SPRYD4: variants seen among roughly 807,000 people sequenced by gnomAD.
SPRYD4 encodes SPRY domain-containing protein 4.
A neutral mutation model predicts 16.6 loss-of-function variants in SPRYD4; 12 were observed. The observed-to-expected ratio is 0.72, with a 90% CI of 0.46 to 1.17. The LOEUF is 1.17. Among genes scored for constraint, SPRYD4 ranks in the 50% most tolerant of loss-of-function variants. The pLI, the probability that SPRYD4 is intolerant of heterozygous loss-of-function variation, is 0.00. For missense variants in SPRYD4, 260 were observed against 260.2 expected, an observed-to-expected ratio of 1.00 and a Z score of 0.00; for synonymous variants, 98 against 105.4, an observed-to-expected ratio of 0.93 and a Z score of 0.43.
chr12:56,479,089 C>T lies in SPRYD4; in HGVS notation c.*9512C>T, dbSNP rs766672709. On this transcript the variant is annotated 3_prime_UTR_variant, in exon 2 of 2. Transcript: ENST00000338146. ...GAGCTCTTTGACATCCTCAAAGATG[C>T]GATCCACATGGCCCGTGAACTCCTC... is the stretch of plus-strand genomic sequence containing the variant. The T allele has an allele frequency of 1.5e-5, 24 of 1,613,670 alleles. No individual in the cohort carries two copies. Among genetic ancestry groups the T allele is most frequent in the African/African-American group, 1.1e-4 (8 of 74,826 alleles).
In SPRYD4 at chr12:56,471,276, T is replaced by C; in HGVS notation, c.*1699T>C. 1.8e-6 allele frequency: 1 copy of C among 543,844 alleles called. No homozygotes were observed. The highest frequency in any genetic ancestry group is 3.1e-5 in the South Asian group (1 of 32,714). 33.7% of individuals were successfully genotyped at this position (543,844 alleles called of 1,614,324 possible). A position where few individuals can be genotyped will look rare whatever the true frequency, so the allele number is the denominator to read the frequency against. On this transcript the variant is annotated 3_prime_UTR_variant, in exon 2 of 2. Coordinates refer to ENST00000338146, the MANE Select transcript of SPRYD4 (RefSeq NM_207344.4). ...GCCCAGTCTCTCTGGATAGCTGTAC[T>C]GCAGGTGTCCTCTGAGGCCCTTCTC...
At position 56,473,701 on chromosome 12, in the gene SPRYD4, A is replaced by G; in HGVS notation, c.*4124A>G. On this transcript the variant is annotated 3_prime_UTR_variant, in exon 2 of 2. Transcript: ENST00000338146. ...AGTTTACAAATGACTGCATGACCAC[A>G]ATCCACCTCAACCTTTTGGCTTGTT... The G allele has an allele frequency of 7.3e-7, 1 of 1,367,334 alleles. No individual in the cohort carries two copies. Among genetic ancestry groups the G allele is most frequent in the Non-Finnish European group, 9.8e-7 (1 of 1,023,612 alleles). 84.7% of individuals were successfully genotyped at this position (1,367,334 alleles called of 1,614,324 possible).
Position 56,474,642 on chromosome 12 carries a change from T to C in SPRYD4, c.*5065T>C. The C allele has an allele frequency of 6.2e-7, 1 of 1,614,172 alleles. No individual in the cohort carries two copies. The highest frequency in any genetic ancestry group is 1.3e-5 in the African/African-American group (1 of 75,070). On this transcript the variant is annotated 3_prime_UTR_variant, in exon 2 of 2. Transcript: ENST00000338146. Reference sequence around the variant, plus strand: ...TCAGCACTCAGCACACTCTCGCCTGTGATGGGGCAGATCCCACCGTTGGCG... The same window carrying C: ...TCAGCACTCAGCACACTCTCGCCTGCGATGGGGCAGATCCCACCGTTGGCG...
chr12:56,473,153 T>A lies in SPRYD4; in HGVS notation c.*3576T>A. 7.2e-7 allele frequency: 1 copy of A among 1,379,340 alleles called. No homozygotes were observed. 85.4% of individuals were successfully genotyped at this position (1,379,340 alleles called of 1,614,324 possible). A position where few individuals can be genotyped will look rare whatever the true frequency, so the allele number is the denominator to read the frequency against. On this transcript the variant is annotated 3_prime_UTR_variant, in exon 2 of 2. Coordinates refer to ENST00000338146, the MANE Select transcript of SPRYD4 (RefSeq NM_207344.4). ...ATCCGCCCGCCTTGGCCTCTCAAAGTGCAGGGATTACAGGCGTGAGCCACC... is the reference window on the plus strand; with the variant it reads ...ATCCGCCCGCCTTGGCCTCTCAAAGAGCAGGGATTACAGGCGTGAGCCACC...
Position 56,471,994 on chromosome 12 carries a change from G to A in SPRYD4, c.*2417G>A. 7.8e-7 allele frequency: 1 copy of A among 1,284,516 alleles called. No individual in the cohort carries two copies. The highest frequency in any genetic ancestry group is 1.3e-5 in the South Asian group (1 of 79,286). The allele number at this position is 1,284,516 out of a possible 1,614,324, so 79.6% of individuals were successfully genotyped here. ...AGTCATAGTCTAGCTGCAAACCGAAGGGTGTCTAGATAAAACTAGTTGCTG... is the reference window on the plus strand; with the variant it reads ...AGTCATAGTCTAGCTGCAAACCGAAAGGTGTCTAGATAAAACTAGTTGCTG... On this transcript the variant is annotated 3_prime_UTR_variant, in exon 2 of 2. Coordinates refer to ENST00000338146, the MANE Select transcript of SPRYD4 (RefSeq NM_207344.4).
Position 56,473,662 on chromosome 12 carries a change from C to A in SPRYD4, c.*4085C>A. 1 of 1,535,808 alleles carries A rather than the reference C, an allele frequency of 6.5e-7. No individual in the cohort carries two copies. ...CAAATCAGAAAATAAACAAGTTAGGCTGTACTCTTAACAAGTTTACAAATG... is the reference window on the plus strand; with the variant it reads ...CAAATCAGAAAATAAACAAGTTAGGATGTACTCTTAACAAGTTTACAAATG... On this transcript the variant is annotated 3_prime_UTR_variant, in exon 2 of 2. Coordinates refer to ENST00000338146, the MANE Select transcript of SPRYD4 (RefSeq NM_207344.4).
Position 56,472,396 on chromosome 12 carries a change from C to G in SPRYD4, c.*2819C>G. 1 of 611,390 alleles carries G rather than the reference C, an allele frequency of 1.6e-6. No homozygotes were observed. The highest frequency in any genetic ancestry group is 2.9e-6 in the Non-Finnish European group (1 of 347,818). 37.9% of individuals were successfully genotyped at this position (611,390 alleles called of 1,614,324 possible). A position where few individuals can be genotyped will look rare whatever the true frequency, so the allele number is the denominator to read the frequency against. The stretch of plus-strand genomic sequence containing the variant: ...TTAGAGAGATGGGAATGTGATCCTT[C>G]CAGAAATATCACTCACTGCCTACCT... On this transcript the variant is annotated 3_prime_UTR_variant, in exon 2 of 2. Coordinates refer to ENST00000338146, the MANE Select transcript of SPRYD4 (RefSeq NM_207344.4).
In SPRYD4 at chr12:56,469,337, G is replaced by C; in HGVS notation, c.384G>C (p.Gln128His). The C allele has an allele frequency of 6.2e-7, 1 of 1,614,192 alleles. No individual in the cohort carries two copies. The highest frequency in any genetic ancestry group is 8.5e-7 in the Non-Finnish European group (1 of 1,180,024). ...GTTCCTGGGTGTTCACCTATGCCCA[G>C]CGCAAGTGGTACACCATGTTGGCCA... is the stretch of plus-strand genomic sequence containing the variant. ...DDRSWVFTYA[Q>H]RKWYTMLANE... is the part of the protein sequence containing the mutation. The change falls in exon 2 of 2, where the codon CAG becomes CAC. Residue 128 changes from glutamine to histidine, a missense_variant. Gln to His is a conservative substitution (Grantham distance 24). Coordinates refer to ENST00000338146, the MANE Select transcript of SPRYD4 (RefSeq NM_207344.4).
Position 56,469,479 on chromosome 12 carries a change from C to G in SPRYD4, c.526C>G (p.Leu176Val). The stretch of plus-strand genomic sequence containing the variant: ...GAGCCAGGTCTCTGTGGTTCACACG[C>G]TACAGACAGATTTCCGGGGTCCAGT... The part of the protein sequence containing the change: ...DVSQVSVVHT[L>V]QTDFRGPVVP... The change falls in exon 2 of 2, where the codon CTA (leucine) becomes GTA (valine). Residue 176 changes from leucine to valine, a missense_variant. By Grantham distance (32) the Leu-to-Val change is conservative. Transcript: ENST00000338146. 1 of 1,614,118 alleles carries G rather than the reference C, an allele frequency of 6.2e-7. No individual in the cohort carries two copies. The highest frequency in any genetic ancestry group is 8.5e-7 in the Non-Finnish European group (1 of 1,180,026).
Position 56,475,059 on chromosome 12 carries a change from A to AT in SPRYD4, c.*5483dup. The AT allele has an allele frequency of 2.5e-6, 4 of 1,614,196 alleles. No individual in the cohort carries two copies. Among genetic ancestry groups the AT allele is most frequent in the Non-Finnish European group, 3.4e-6 (4 of 1,180,046 alleles). ...TTCTGGTTACCTTCTTTTCCTTGAG[A>AT]TAATAGCCGATGGCATAATTCCGAT... On this transcript the variant is annotated 3_prime_UTR_variant, in exon 2 of 2. Transcript: ENST00000338146.
At position 56,479,451 on chromosome 12, in the gene SPRYD4, A is replaced by T. The variant is rs968977725; in HGVS notation, c.*9874A>T. 2 of 401,208 alleles carry T rather than the reference A, an allele frequency of 5.0e-6. No individual in the cohort carries two copies. The highest frequency in any genetic ancestry group is 8.7e-6 in the Non-Finnish European group (2 of 230,128). The allele number at this position is 401,208 out of a possible 1,614,324, so 24.9% of individuals were successfully genotyped here. A position where few individuals can be genotyped will look rare whatever the true frequency, so the allele number is the denominator to read the frequency against. On this transcript the variant is annotated 3_prime_UTR_variant, in exon 2 of 2. Coordinates refer to ENST00000338146, the MANE Select transcript of SPRYD4 (RefSeq NM_207344.4). ...TAATATGTATGTATGTTACCTTGAT[A>T]TTTAAAAAATCCTAAATCATAAAAG...
At position 56,471,098 on chromosome 12, in the gene SPRYD4, C is replaced by T; in HGVS notation, c.*1521C>T. ...CATGTATATAGCCATTCCCACTTCCCATATTCTGTGGATATGTACATGTGC... is the reference window on the plus strand; with the variant it reads ...CATGTATATAGCCATTCCCACTTCCTATATTCTGTGGATATGTACATGTGC... On this transcript the variant is annotated 3_prime_UTR_variant, in exon 2 of 2. Coordinates refer to ENST00000338146, the MANE Select transcript of SPRYD4 (RefSeq NM_207344.4). 1 of 363,114 alleles carries T rather than the reference C, an allele frequency of 2.8e-6. No individual in the cohort carries two copies. Among genetic ancestry groups the T allele is most frequent in the South Asian group, 1.4e-4 (1 of 7,032 alleles). The allele number at this position is 363,114 out of a possible 1,614,324, so 22.5% of individuals were successfully genotyped here. A position where few individuals can be genotyped will look rare whatever the true frequency, so the allele number is the denominator to read the frequency against.
At position 56,472,334 on chromosome 12, in the gene SPRYD4, C is replaced by CT; in HGVS notation, c.*2763dup. ...GCCAGATTTGTTGGCTCTGAATAAT[C>CT]TTTTTTCCATATCCAGATGAGACTG... On this transcript the variant is annotated 3_prime_UTR_variant, in exon 2 of 2. Coordinates refer to ENST00000338146, the MANE Select transcript of SPRYD4 (RefSeq NM_207344.4). The CT allele has an allele frequency of 2.8e-6, 2 of 714,690 alleles. No individual in the cohort carries two copies. Among genetic ancestry groups the CT allele is most frequent in the Non-Finnish European group, 4.8e-6 (2 of 417,244 alleles). 44.3% of individuals were successfully genotyped at this position (714,690 alleles called of 1,614,324 possible).
rs1022695280 is a variant in SPRYD4 at position 56,476,206 on chromosome 12, A to G, written c.*6629A>G. 7 of 397,840 alleles carry G rather than the reference A, an allele frequency of 1.8e-5. No individual in the cohort carries two copies. The highest frequency in any genetic ancestry group is 1.3e-4 in the African/African-American group (6 of 47,126). The allele number at this position is 397,840 out of a possible 1,614,324, so 24.6% of individuals were successfully genotyped here. A position where few individuals can be genotyped will look rare whatever the true frequency, so the allele number is the denominator to read the frequency against. On this transcript the variant is annotated 3_prime_UTR_variant, in exon 2 of 2. Transcript: ENST00000338146. ...TCTTGCTTTGTCACCCTTGTCACCC[A>G]GGCTGGAGTGCAGTGGCACGATCAT... is the stretch of plus-strand genomic sequence containing the variant.
chr12:56,474,472 C>T lies in SPRYD4; in HGVS notation c.*4895C>T, dbSNP rs1282941096. On this transcript the variant is annotated 3_prime_UTR_variant, in exon 2 of 2. Transcript: ENST00000338146. ...GGCAGGAACAAGCTTCCACCTCTAT[C>T]TTGAGAGAGTCAGTGTTCTCTCTTC... The T allele has an allele frequency of 6.3e-7, 1 of 1,577,600 alleles. No homozygotes were observed. The highest frequency in any genetic ancestry group is 8.6e-7 in the Non-Finnish European group (1 of 1,158,426).
Position 56,468,659 on chromosome 12 carries a change from C to G in SPRYD4, c.68C>G (p.Ser23Cys), listed in dbSNP as rs1475344941. ...GGAGCCAAACGATTGGGAGTTGCCT[C>G]CACAGAGGCCCAGAGAGGTAGGATT... ...RWGAKRLGVA[S>C]TEAQRGVSFK... The change falls in exon 1 of 2, where the codon TCC (serine) becomes TGC (cysteine). Residue 23 changes from serine to cysteine, a missense_variant. Physicochemically the swap from Ser to Cys is moderately radical, Grantham distance 112 (BLOSUM62 -1). Transcript: ENST00000338146. The G allele has an allele frequency of 1.2e-6, 2 of 1,614,104 alleles. No individual in the cohort carries two copies. Among genetic ancestry groups the G allele is most frequent in the South Asian group, 2.2e-5 (2 of 91,082 alleles).
Position 56,469,671 on chromosome 12 carries a change from C to G in SPRYD4, c.*94C>G. 1 of 1,241,300 alleles carries G rather than the reference C, an allele frequency of 8.1e-7. No individual in the cohort carries two copies. The highest frequency in any genetic ancestry group is 1.1e-6 in the Non-Finnish European group (1 of 910,264). 76.9% of individuals were successfully genotyped at this position (1,241,300 alleles called of 1,614,324 possible). ...TTACTTTGCCTCAAGCAACCTCTAG[C>G]TCCCACAATTCAGTGTTGGGTCCTC... is the stretch of plus-strand genomic sequence containing the variant. On this transcript the variant is annotated 3_prime_UTR_variant, in exon 2 of 2. Transcript: ENST00000338146.
chr12:56,473,051 G>A lies in SPRYD4; in HGVS notation c.*3474G>A. 1.6e-6 allele frequency: 1 copy of A among 638,046 alleles called. No individual in the cohort carries two copies. The highest frequency in any genetic ancestry group is 3.1e-5 in the Admixed American group (1 of 32,754). 39.5% of individuals were successfully genotyped at this position (638,046 alleles called of 1,614,324 possible). ...ACCACAGGCGCGTGCCACCACGTCT[G>A]GCTAATTTTTTGTATTTTCAATAGA... On this transcript the variant is annotated 3_prime_UTR_variant, in exon 2 of 2. Coordinates refer to ENST00000338146, the MANE Select transcript of SPRYD4 (RefSeq NM_207344.4).
Position 56,476,134 on chromosome 12 carries a change from C to T in SPRYD4, c.*6557C>T, listed in dbSNP as rs1018638811. On this transcript the variant is annotated 3_prime_UTR_variant, in exon 2 of 2. Transcript: ENST00000338146. ...CCTTTTTTTATCCTTCTGAAAACAC[C>T]GCACTTCCATTGGCTCCTCTCTTTC... The T allele has an allele frequency of 3.8e-5, 25 of 656,362 alleles. 1 individual carries two copies. Among genetic ancestry groups the T allele is most frequent in the South Asian group, 1.7e-4 (9 of 53,986 alleles). 40.7% of individuals were successfully genotyped at this position (656,362 alleles called of 1,614,324 possible).
Sources: gnomAD v4.1 joint callset for allele counts on GRCh38, gnomAD v4.1.1 for gene constraint, MANE v1.5 for transcripts, NCBI Gene and HGNC (gene_info 2026-07-23, HGNC 2026-07-21) for gene names.